The following CDK13 variants were observed in gnomAD, a reference collection of about 807,000 sequenced individuals.
The protein encoded by CDK13 is cyclin-dependent kinase 13.
A neutral mutation model predicts 137.6 loss-of-function variants in CDK13; 40 were observed. The ratio of observed to expected loss-of-function variants is 0.29; its 90% confidence interval spans 0.23 to 0.38. CDK13 has a LOEUF of 0.38. Among genes scored for constraint, CDK13 ranks in the 10% least tolerant of loss-of-function variants. The pLI is 1.00. For missense variants in CDK13, 1,704 were observed against 1,951.8 expected (o/e 0.87, Z 2.39); for synonymous variants, 869 against 760.1 (o/e 1.14, Z -2.36).
At chr7:40,081,365 G>C (rs563326525) in intron 11 of CDK13, among the ~76,000 whole-genome samples, 1 of 152,144 alleles carries the variant, frequency 6.6e-6, no homozygotes, top group Admixed American at 6.5e-5. Context: ...TTTTTAAGTA[G>C]AGCAATTATA....
At chr7:40,042,291 G>T (rs1011444379) in intron 5 of CDK13, among the ~76,000 whole-genome samples, 1 of 151,690 alleles carries the variant, frequency 6.6e-6, no homozygotes, top group Non-Finnish European at 1.5e-5. Flanking sequence ...ATGTTGGCCA[G>T]GCTGGTCTCG....
chr7:40,077,855 C>A (rs1237973217), intron 9 of CDK13, 150 bp from the exon 10 acceptor site: 1 of 465,230 alleles, frequency 2.1e-6, no homozygotes, highest in Non-Finnish European at 3.8e-6. Flanking sequence ...GACTCTGTCT[C>A]AAAAAAAAGA....
At position 39,987,896 on chromosome 7, in the gene CDK13, T is replaced by G. The variant is rs753012230; in HGVS notation, c.1509T>G (p.Ser503Arg). The change falls in exon 2 of 14, where the codon AGT becomes AGG. Residue 503 changes from serine to arginine, a missense_variant. Physicochemically the swap from Ser to Arg is moderately radical, Grantham distance 110. This residue lies in a region of CDK13 where 1,051 missense variants were observed against 931.0 expected (regional missense o/e 1.13). Coordinates refer to ENST00000181839, the MANE Select transcript of CDK13 (RefSeq NM_003718.5). The stretch of plus-strand genomic sequence containing the variant: ...CTACCAAGGGGAACACGGAAACTAG[T>G]GCCAGTGCATCACAAACAAACCATG... ...STPTKGNTET[S>R]ASASQTNHVK... 2 of 1,614,176 alleles carry G rather than the reference T, an allele frequency of 1.2e-6. No individual in the cohort carries two copies. The highest frequency in any genetic ancestry group is 4.5e-5 in the East Asian group (2 of 44,890).
chr7:40,012,872 A>G (rs1030980306), intron 5 of CDK13, among the ~76,000 whole-genome samples: 23 of 150,888 alleles, frequency 1.5e-4, no homozygotes, highest in African/African-American at 5.6e-4. Context: ...AGATTGCACC[A>G]CTGCACTCCA....
chr7:40,040,009 C>CT (rs751184920), intron 5 of CDK13, among the ~76,000 whole-genome samples: 10,107 of 133,392 alleles, frequency 0.076, 450 homozygotes, highest in Non-Finnish European at 0.1. Flanking sequence ...GATTCATTTG[C>CT]TTTTTTTTTT....
At chr7:40,051,621 G>A (rs1785889929) in intron 7 of CDK13, among the ~76,000 whole-genome samples, 1 of 152,138 alleles carries the variant, frequency 6.6e-6, no homozygotes. Context: ...TTTGTGTAAG[G>A]TTTTTTGTTT....
Position 39,988,176 on chromosome 7 carries a change from G to T in CDK13, c.1789G>T (p.Glu597Ter). 1 of 1,614,062 alleles carries T rather than the reference G, an allele frequency of 6.2e-7. No individual in the cohort carries two copies. The highest frequency in any genetic ancestry group is 8.5e-7 in the Non-Finnish European group (1 of 1,180,000). Residue 597 changes from glutamate (E) to a stop codon, truncating the protein, a stop_gained, in exon 2 of 14, where the codon GAG becomes TAG. Transcript: ENST00000181839. LOFTEE classifies it high-confidence loss of function. ...LTPSIGAKEKEQHVALVTSTL... is the reference protein window; with the variant it reads ...LTPSIGAKEK ...ACCAAGCATAGGAGCCAAGGAGAAG[G>T]AGCAACATGTAGCTTTAGTCACCTC...
At chr7:40,086,196 A>G (rs140083136) in intron 11 of CDK13, among the ~76,000 whole-genome samples, 9 of 152,304 alleles carry the variant, frequency 5.9e-5, no homozygotes, top group Middle Eastern at 6.8e-3. Context: ...TAACATGACT[A>G]ATTGTGAAAG....
chr7:40,027,929 C>A (rs1423746790), intron 5 of CDK13, among the ~76,000 whole-genome samples: 3 of 151,842 alleles, frequency 2.0e-5, no homozygotes, highest in Non-Finnish European at 4.4e-5. Flanking sequence ...GGAACGTAGG[C>A]CCTTGCCATA....
rs1014022599 is a variant in CDK13, at chr7:39,950,372, T to C, written c.-270T>C. 1 of 1,209,032 alleles carries C rather than the reference T, an allele frequency of 8.3e-7. No homozygotes were observed. 74.9% of individuals were successfully genotyped at this position (1,209,032 alleles called of 1,614,324 possible). A position where few individuals can be genotyped will look rare whatever the true frequency, so the allele number is the denominator to read the frequency against. Reference sequence around the variant, plus strand: ...GTCAGCGCCCGGCGCATCTGGTGTTTTCGCTGCCGAGGATAGGACGACGAG... The same window carrying C: ...GTCAGCGCCCGGCGCATCTGGTGTTCTCGCTGCCGAGGATAGGACGACGAG... On this transcript the variant is annotated 5_prime_UTR_variant, in exon 1 of 14. Coordinates refer to ENST00000181839, the MANE Select transcript of CDK13 (RefSeq NM_003718.5).
chr7:40,092,103 A>G (rs191155679), intron 12 of CDK13: 83 of 137,096 alleles, frequency 6.1e-4, no homozygotes, highest in African/African-American at 2.0e-3. Context: ...AACTTACCCA[A>G]AGTTACAAAA....
chr7:40,050,910 G>A (rs1785872972), intron 7 of CDK13, among the ~76,000 whole-genome samples: 1 of 152,090 alleles, frequency 6.6e-6, no homozygotes. Context: ...GCAGATATTT[G>A]TGCACATTTG....
rs1269642553 is a variant in CDK13 at position 39,987,696 on chromosome 7, A to G, written c.1309A>G (p.Ser437Gly). 6.2e-7 allele frequency: 1 copy of G among 1,614,132 alleles called. No individual in the cohort carries two copies. Among genetic ancestry groups the G allele is most frequent in the Non-Finnish European group, 8.5e-7 (1 of 1,179,992 alleles). Residue 437 changes from serine (S) to glycine (G), a missense_variant, in exon 2 of 14, where the codon AGT becomes GGT. Physicochemically the swap from Ser to Gly is moderately conservative, Grantham distance 56 (BLOSUM62 0). Transcript: ENST00000181839. Reference protein sequence around the residue: ...RLSRSRSRHSSISPSTLTLKS... With the variant: ...RLSRSRSRHSGISPSTLTLKS... ...GTCTAGATCCAGAAGTCGTCATTCT[A>G]GTATTTCTCCTAGCACACTAACTCT...
In CDK13 at chr7:39,951,710, C is replaced by T. The variant is rs1787220796; in HGVS notation, c.1069C>T (p.Arg357Cys). The T allele has an allele frequency of 6.8e-7, 1 of 1,472,640 alleles. No homozygotes were observed. Among genetic ancestry groups the T allele is most frequent in the Non-Finnish European group, 8.9e-7 (1 of 1,122,468 alleles). 91.2% of individuals were successfully genotyped at this position (1,472,640 alleles called of 1,614,324 possible). A position where few individuals can be genotyped will look rare whatever the true frequency, so the allele number is the denominator to read the frequency against. Reference sequence around the variant, plus strand: ...CAGCCCCTATTCTCGGCGGCTGCCGCGCTCCCCGAGCCCCTACAGTCGCCG... The same window carrying T: ...CAGCCCCTATTCTCGGCGGCTGCCGTGCTCCCCGAGCCCCTACAGTCGCCG... ...GSSPYSRRLP[R>C]SPSPYSRRRS... The change falls in exon 1 of 14, where the codon CGC (arginine) becomes TGC (cysteine). Residue 357 changes from arginine to cysteine, a missense_variant. Arg to Cys is a radical substitution (Grantham distance 180). Transcript: ENST00000181839.
Position 40,094,155 on chromosome 7 carries a change from A to G in CDK13, c.3714A>G (p.Gln1238=), listed in dbSNP as rs941033631. The G allele has an allele frequency of 6.2e-7, 1 of 1,613,954 alleles. No homozygotes were observed. The highest frequency in any genetic ancestry group is 1.7e-5 in the Admixed American group (1 of 59,974). The part of the protein sequence containing the change: ...VSGQDDLIQH[Q]DMRILELTPE... ...GACAAGATGACCTCATCCAGCATCA[A>G]GATATGAGGATCTTGGAGCTAACGC... Residue 1238 remains glutamine, a synonymous_variant, in exon 14 of 14, where the codon CAA becomes CAG. Transcript: ENST00000181839.
intron 5 of CDK13, among the ~76,000 whole-genome samples, chr7:40,045,432 CTTT>C (rs11362792): frequency 0.087 from 11,398 of 130,718 alleles, 828 homozygotes; most frequent in East Asian, 0.35. Flanking sequence ...GGCCTGTACT[CTTT>C]TTTTTTTTTT....
At chr7:39,959,667 G>A (rs1451261296) in intron 1 of CDK13, among the ~76,000 whole-genome samples, 1 of 152,060 alleles carries the variant, frequency 6.6e-6, no homozygotes, top group Non-Finnish European at 1.5e-5. Flanking sequence ...GTTTCACCGT[G>A]TTGCCAAGGC....
At chr7:39,980,617 A>G (rs1002978920) in intron 1 of CDK13, among the ~76,000 whole-genome samples, 2 of 152,200 alleles carry the variant, frequency 1.3e-5, no homozygotes. Context: ...GATGTTGTGG[A>G]TAGCAGCTAC....
At chr7:40,063,143 C>A in intron 9 of CDK13, 43 bp downstream of exon 9, 3 of 1,397,058 alleles carry the variant, frequency 2.1e-6, no homozygotes, top group South Asian at 2.3e-5. Context: ...GGGAGAGTGT[C>A]ATACTCCACA....
Sources: gnomAD v4.1 joint callset for allele counts (sites outside exome capture counted in the v4.1 genomes callset) on GRCh38, gnomAD v4.1.1 for gene constraint, gnomAD v4.1.1 regional missense constraint, MANE v1.5 for transcripts, NCBI Gene and HGNC (gene_info 2026-07-23, HGNC 2026-07-21) for gene names.